TSPAN1: variants seen among roughly 807,000 people sequenced by gnomAD.
The protein encoded by TSPAN1 is tetraspanin 1, also known as tetraspanin-1.
A neutral mutation model predicts 26.9 loss-of-function variants in TSPAN1; 23 were observed. The observed-to-expected ratio is 0.85, with a 90% CI of 0.62 to 1.21. TSPAN1 has a LOEUF of 1.21. TSPAN1 is among the 50% of genes most tolerant of loss of function. TSPAN1 has a pLI of 0.00. For missense variants in TSPAN1, 283 were observed against 298.4 expected, an observed-to-expected ratio of 0.95 and a Z score of 0.38; for synonymous variants, 115 against 114.8, an observed-to-expected ratio of 1.00 and a Z score of -0.01.
chr1:46,193,001 C>T, the TSPAN1 span: 1 of 1,611,762 alleles, frequency 6.2e-7, no homozygotes. Context: ...GGGGTCTCTC[C>T]ATCCTGTGAT....
At chr1:46,192,856 T>G in the TSPAN1 span, 1,105 of 1,613,108 alleles carry the variant, frequency 6.9e-4, 7 homozygotes, top group African/African-American at 0.012. Flanking sequence ...ACTCTTTCCC[T>G]GCAGACTGAG....
At chr1:46,190,133 C>G, downstream of TSPAN1, 1 of 1,013,370 alleles carries the variant, frequency 9.9e-7, no homozygotes, top group Non-Finnish European at 1.4e-6. Context: ...GAGTCTTGCT[C>G]TGTCGCCCAG....
chr1:46,189,883 C>T, downstream of TSPAN1: 6 of 1,613,914 alleles, frequency 3.7e-6, no homozygotes, highest in Non-Finnish European at 5.1e-6. Flanking sequence ...GTGGTGAAGT[C>T]ATCATCTTTC....
chr1:46,189,394 C>T (rs752854193), downstream of TSPAN1: 4 of 1,613,994 alleles, frequency 2.5e-6, no homozygotes, highest in Non-Finnish European at 3.4e-6. Context: ...GAGAAGAAGC[C>T]ATTAGCTATA....
the TSPAN1 span, among the ~76,000 whole-genome samples, chr1:46,196,256 C>T: frequency 6.6e-6 from 1 of 152,224 alleles, no homozygotes; most frequent in Admixed American, 6.5e-5. The surrounding 1 kb of genome is among the most constrained non-coding windows in gnomAD (Gnocchi z 4.4). Context: ...CTATAGCACT[C>T]CCATCAGAAG....
chr1:46,196,441 G>A, the TSPAN1 span, among the ~76,000 whole-genome samples: 2 of 152,352 alleles, frequency 1.3e-5, no homozygotes, highest in South Asian at 4.1e-4. This position sits in a 1 kb window ranked among gnomAD's most constrained non-coding sequence, Gnocchi z 4.4. Flanking sequence ...TGAGGCCAAA[G>A]AAAGGACCAG....
the TSPAN1 span, chr1:46,190,980 A>G: frequency 3.4e-6 from 2 of 591,428 alleles, no homozygotes; most frequent in Non-Finnish European, 6.4e-6. Context: ...GGCCTCCACC[A>G]TTGCTGGAGA....
Position 46,185,621 on chromosome 1 carries a change from G to A in TSPAN1, c.*88G>A, listed in dbSNP as rs1177238150. ...GCAGCAGTGATTGGGGGAGGGGACA[G>A]GATCTAACAATGTCACTTGGGCCAG... On this transcript the variant is annotated 3_prime_UTR_variant, in exon 9 of 9. Coordinates refer to ENST00000372003, the MANE Select transcript of TSPAN1 (RefSeq NM_005727.4). 3.4e-6 allele frequency: 5 copies of A among 1,466,598 alleles called. No homozygotes were observed. The highest frequency in any genetic ancestry group is 2.8e-5 in the African/African-American group (2 of 72,042). The allele number at this position is 1,466,598 out of a possible 1,614,324, so 90.8% of individuals were successfully genotyped here.
the TSPAN1 span, chr1:46,192,956 C>T: frequency 1.9e-6 from 3 of 1,614,058 alleles, no homozygotes; most frequent in Non-Finnish European, 2.5e-6. Flanking sequence ...CAAACTTGGC[C>T]TCCTAGAAGG....
downstream of TSPAN1, chr1:46,189,641 C>A (rs1571646907): frequency 7.0e-6 from 11 of 1,560,690 alleles, no homozygotes; most frequent in East Asian, 2.6e-4. Context: ...ACCCTTTGGC[C>A]CAGCCCCCAC....
chr1:46,185,037 A>T lies in TSPAN1; in HGVS notation c.516A>T (p.Pro172=). ...PYFKENSAFP[P]FCCNDNVTNT... ...TCAAAGAGAACAGTGCCTTTCCCCC[A>T]TTCTGTTGCAATGACAACGTCACCA... is the stretch of plus-strand genomic sequence containing the variant. The change falls in exon 7 of 9, where the codon CCA becomes CCT. Residue 172 remains proline, a synonymous_variant. Coordinates refer to ENST00000372003, the MANE Select transcript of TSPAN1 (RefSeq NM_005727.4). 1 of 1,614,142 alleles carries T rather than the reference A, an allele frequency of 6.2e-7. No individual in the cohort carries two copies. The highest frequency in any genetic ancestry group is 8.5e-7 in the Non-Finnish European group (1 of 1,180,044).
At chr1:46,186,700 C>T (rs557385593), downstream of TSPAN1, among the ~76,000 whole-genome samples, 153 of 125,012 alleles carry the variant, frequency 1.2e-3, no homozygotes, top group Non-Finnish European at 2.0e-3. Context: ...GTCTCGCTGT[C>T]GCCCAGGCTG....
downstream of TSPAN1, chr1:46,190,009 A>T (rs1657629672): frequency 6.2e-7 from 1 of 1,613,052 alleles, no homozygotes; most frequent in African/African-American, 1.3e-5. Context: ...AGGGTGGGAG[A>T]ATATAGCCAA....
the TSPAN1 span, chr1:46,193,368 T>C: frequency 3.1e-6 from 5 of 1,613,054 alleles, no homozygotes; most frequent in Non-Finnish European, 4.2e-6. Flanking sequence ...GACCAAACAG[T>C]GCCACCACAT....
At chr1:46,192,420 G>A in the TSPAN1 span, 1 of 1,614,064 alleles carries the variant, frequency 6.2e-7, no homozygotes, top group African/African-American at 1.3e-5. Context: ...TGGGTCCTCA[G>A]CCGTGTGTTC....
the TSPAN1 span, chr1:46,191,236 TAGTC>T: frequency 1.1e-5 from 3 of 266,662 alleles, no homozygotes; most frequent in East Asian, 1.9e-4. Flanking sequence ...GCTCGCGTAT[TAGTC>T]AGCCTCTGAG....
chr1:46,193,074 T>G, the TSPAN1 span: 2 of 1,602,532 alleles, frequency 1.2e-6, no homozygotes, highest in Non-Finnish European at 1.7e-6. Context: ...ATGTGAAGGA[T>G]GAGGCCCAGT....
chr1:46,190,676 A>C, downstream of TSPAN1: 1 of 1,575,786 alleles, frequency 6.3e-7, no homozygotes, highest in East Asian at 2.2e-5. Flanking sequence ...ACTGGCCTCC[A>C]AATCTCCTAG....
At chr1:46,181,855 T>C (rs1657321830) in intron 3 of TSPAN1, among the ~76,000 whole-genome samples, 1 of 152,086 alleles carries the variant, frequency 6.6e-6, no homozygotes, top group Non-Finnish European at 1.5e-5. Flanking sequence ...GTGGGGGAGT[T>C]ATAAAGCATG....
Sources: allele counts gnomAD v4.1 joint callset (sites outside exome capture counted in the v4.1 genomes callset), GRCh38; gene constraint gnomAD v4.1.1; non-coding constraint Gnocchi (gnomAD v3.1); transcripts MANE v1.5; gene names NCBI Gene and HGNC (gene_info 2026-07-23, HGNC 2026-07-21).